Variants in COQ8A observed in about 807,000 individuals in gnomAD.
COQ8A encodes atypical kinase COQ8A, mitochondrial.
Under a neutral mutation model 65.0 loss-of-function variants are expected in COQ8A, and 51 were observed. That is an observed-to-expected ratio of 0.78 (90% CI 0.63 to 0.99). The LOEUF (loss-of-function observed/expected upper bound fraction) is 0.99. Among genes scored for constraint, COQ8A ranks in the 50% least tolerant of loss-of-function variants. COQ8A has a pLI of 0.00. For missense variants in COQ8A, 940 were observed against 875.0 expected (o/e 1.07, Z -0.94); for synonymous variants, 371 against 353.2 (o/e 1.05, Z -0.57).
intron 5 of COQ8A, among the ~76,000 whole-genome samples, chr1:226,978,109 ACACAC>A (rs1401098318): frequency 6.4e-5 from 9 of 140,150 alleles, no homozygotes; most frequent in African/African-American, 1.6e-4. Flanking sequence ...CGCACACGTC[ACACAC>A]CCCCTGCACA....
At chr1:226,970,920 C>G (rs1175969047) in intron 4 of COQ8A, among the ~76,000 whole-genome samples, 1 of 151,898 alleles carries the variant, frequency 6.6e-6, no homozygotes, top group Admixed American at 6.6e-5. Context: ...ATCATGAATT[C>G]TTTTAGTTTT....
At chr1:226,983,150 A>G in intron 8 of COQ8A, 116 bp downstream of exon 8, 1 of 1,428,298 alleles carries the variant, frequency 7.0e-7, no homozygotes, top group Non-Finnish European at 9.4e-7. Flanking sequence ...CTCTCCTGGC[A>G]GGGCCATATG....
intron 1 of COQ8A, among the ~76,000 whole-genome samples, chr1:226,954,466 A>C (rs575313699): frequency 6.6e-6 from 1 of 152,340 alleles, no homozygotes; most frequent in African/African-American, 2.4e-5. Flanking sequence ...AACTTGTTAG[A>C]GATGCAGATT....
chr1:226,959,529 A>AG (rs1167141322), intron 1 of COQ8A, among the ~76,000 whole-genome samples: 1 of 152,066 alleles, frequency 6.6e-6, no homozygotes, highest in South Asian at 2.1e-4. Context: ...TATTTGTCAA[A>AG]GGGGGGTGGG....
intron 1 of COQ8A, among the ~76,000 whole-genome samples, chr1:226,950,873 C>G (rs1341926382): frequency 6.6e-6 from 1 of 152,128 alleles, no homozygotes; most frequent in African/African-American, 2.4e-5. Flanking sequence ...AAGAAAAACC[C>G]CAGTAGTCTG....
At position 226,978,660 on chromosome 1, in the gene COQ8A, AC is replaced by A. The variant is rs1179953977; in HGVS notation, c.730+1139del. Among the ~76,000 whole-genome samples, 11 of 74,178 alleles carry A rather than the reference AC, an allele frequency of 1.5e-4. 3 individuals carry two copies. The East Asian group carries it at 3.4e-3, about 23-fold the overall frequency. 48.7% of individuals were successfully genotyped at this position (74,178 alleles called of 152,430 possible). Reference sequence around the variant, plus strand: ...CCGCCCACCTCCTTACCCTCCACACACCTGCCCACCTCCTTACACACCCTCC... The same window carrying A: ...CCGCCCACCTCCTTACCCTCCACACACTGCCCACCTCCTTACACACCCTCC... On this transcript the variant is annotated intron_variant, in intron 5 of 14. Coordinates refer to ENST00000366777, the MANE Select transcript of COQ8A (RefSeq NM_020247.5).
intron 4 of COQ8A, among the ~76,000 whole-genome samples, chr1:226,977,209 G>T (rs895974336): frequency 6.6e-6 from 1 of 152,204 alleles, no homozygotes; most frequent in Non-Finnish European, 1.5e-5. Flanking sequence ...AAAGGTGATG[G>T]TGTGGAGTGG....
chr1:226,984,037 G>A lies in COQ8A; in HGVS notation c.1257-57G>A, dbSNP rs377335668. The A allele has an allele frequency of 5.8e-4, 823 of 1,409,724 alleles. 2 individuals carry two copies. The African/African-American group carries it at 9.9e-3, about 17-fold the overall frequency. The allele number at this position is 1,409,724 out of a possible 1,614,324, so 87.3% of individuals were successfully genotyped here. The stretch of plus-strand genomic sequence containing the variant: ...CTGCCTGGTTGGGGGGTGTGTGTGG[G>A]GGGGGGGACGGTGTGGAGGGCCTGT... On this transcript the variant is annotated intron_variant, in intron 10 of 14. Coordinates refer to ENST00000366777, the MANE Select transcript of COQ8A (RefSeq NM_020247.5).
chr1:226,958,288 T>G (rs961015445), intron 1 of COQ8A: 6 of 152,114 alleles, frequency 3.9e-5, no homozygotes, highest in Non-Finnish European at 7.4e-5. Flanking sequence ...GTTAGCACAT[T>G]AGGACCAGAA....
At chr1:226,943,207 T>C (rs938903991) in intron 1 of COQ8A, among the ~76,000 whole-genome samples, 1 of 152,234 alleles carries the variant, frequency 6.6e-6, no homozygotes, top group Non-Finnish European at 1.5e-5. Context: ...GCAGGATAAT[T>C]TTCCAGTAAG....
At position 226,949,161 on chromosome 1, in the gene COQ8A, A is replaced by G. The variant is rs1388278478; in HGVS notation, c.-10+8762A>G. On this transcript the variant is annotated intron_variant, in intron 1 of 14. Transcript: ENST00000366777. The surrounding 1 kb of genome is among the most constrained non-coding windows in gnomAD (Gnocchi z 4.0). ...GCCTGCCTGAGAAAGTAGGACCTGC[A>G]GAGTGGAGTGCGCTCACATGGCTCG... Among the ~76,000 whole-genome samples the G allele has an allele frequency of 6.6e-6, 1 of 151,880 alleles. No individual in the cohort carries two copies. The highest frequency in any genetic ancestry group is 1.5e-5 in the Non-Finnish European group (1 of 68,006).
At chr1:226,961,356 A>G (rs1658240643) in intron 1 of COQ8A, 21 bp from the exon 2 acceptor site, 2 of 1,612,960 alleles carry the variant, frequency 1.2e-6, no homozygotes, top group South Asian at 2.2e-5. Context: ...GCCTCCCCTG[A>G]CTTGGCCTCC....
rs924264754 is a variant in COQ8A, at chr1:226,972,653, C to T, written c.656-4796C>T. On this transcript the variant is annotated intron_variant, in intron 4 of 14. Coordinates refer to ENST00000366777, the MANE Select transcript of COQ8A (RefSeq NM_020247.5). This position sits in a 1 kb window ranked among gnomAD's most constrained non-coding sequence, Gnocchi z 4.3. ...GTACACTTCGGATACTGTTAATACA[C>T]CAGCAGCAAAGCTCTCTCTGGGACC... 2.0e-5 allele frequency among the ~76,000 whole-genome samples: 3 copies of T among 152,274 alleles called. No homozygotes were observed. The highest frequency in any genetic ancestry group is 4.4e-5 in the Non-Finnish European group (3 of 68,026).
intron 14 of COQ8A, among the ~76,000 whole-genome samples, chr1:226,985,907 C>G (rs538836937): frequency 2.0e-5 from 3 of 152,292 alleles, no homozygotes; most frequent in Admixed American, 2.0e-4. Context: ...GCTCAGCGGG[C>G]AGCAGCTCTC....
At position 226,949,902 on chromosome 1, in the gene COQ8A, A is replaced by G. The variant is rs748229169; in HGVS notation, c.-10+9503A>G. Among the ~76,000 whole-genome samples, 1 of 152,224 alleles carries G rather than the reference A, an allele frequency of 6.6e-6. No individual in the cohort carries two copies. The highest frequency in any genetic ancestry group is 1.5e-5 in the Non-Finnish European group (1 of 68,036). ...GCTCACATGACTTGATTTAGGTCAC[A>G]CTAGCAAGTCAGTGGCAGAGTCATG... On this transcript the variant is annotated intron_variant, in intron 1 of 14. Coordinates refer to ENST00000366777, the MANE Select transcript of COQ8A (RefSeq NM_020247.5). The surrounding 1 kb of genome is among the most constrained non-coding windows in gnomAD (Gnocchi z 4.0).
At chr1:226,957,254 C>T (rs1180776899) in intron 1 of COQ8A, among the ~76,000 whole-genome samples, 4 of 142,922 alleles carry the variant, frequency 2.8e-5, no homozygotes, top group Non-Finnish European at 3.1e-5. Flanking sequence ...TCCCTGGCTC[C>T]TACTCTCCCA....
In COQ8A at chr1:226,961,541, C is replaced by T; in HGVS notation, c.156C>T (p.Gly52=). 1 of 1,612,748 alleles carries T rather than the reference C, an allele frequency of 6.2e-7. No individual in the cohort carries two copies. Among genetic ancestry groups the T allele is most frequent in the Non-Finnish European group, 8.5e-7 (1 of 1,179,062 alleles). The change falls in exon 2 of 15, where the codon GGC becomes GGT. Residue 52 remains glycine (G), a synonymous_variant. Transcript: ENST00000366777. The stretch of plus-strand genomic sequence containing the variant: ...AGTCCACGGCTGTGGAGCAGATTGG[C>T]ATGTTCTTGGGGAAGGTGCAGGTAA... The part of the protein sequence containing the change: ...ALQSTAVEQI[G]MFLGKVQGQD...
chr1:226,978,548 CACACACCCCCCACA>C (rs1659444906), intron 5 of COQ8A, among the ~76,000 whole-genome samples: 8 of 103,686 alleles, frequency 7.7e-5, no homozygotes, highest in Admixed American at 9.0e-5. Context: ...CCTTACCCTC[CACACACCCCCCACA>C]GCCACACACC....
At chr1:226,942,526 T>A (rs1237767696) in intron 1 of COQ8A, among the ~76,000 whole-genome samples, 2 of 152,130 alleles carry the variant, frequency 1.3e-5, no homozygotes, top group Non-Finnish European at 2.9e-5. Context: ...GAAACATGCT[T>A]AAGCTGAGTG....
Sources: gnomAD v4.1 joint callset for allele counts (sites outside exome capture counted in the v4.1 genomes callset) on GRCh38, gnomAD v4.1.1 for gene constraint, Gnocchi (gnomAD v3.1) non-coding constraint, MANE v1.5 for transcripts, NCBI Gene and HGNC (gene_info 2026-07-23, HGNC 2026-07-21) for gene names.